RASA3: variants seen among roughly 807,000 people sequenced by gnomAD.
RASA3 encodes ras GTPase-activating protein 3.
RASA3 carries 73 observed loss-of-function variants against 110.0 expected under a neutral mutation model. The ratio of observed to expected loss-of-function variants is 0.66; its 90% CI spans 0.55 to 0.81. RASA3 has a LOEUF of 0.81. RASA3 is among the 30% of genes least tolerant of loss of function. The probability of loss-of-function intolerance (pLI) is 0.00; values close to 1 mark genes in which losing one functional copy is unlikely to be tolerated. For missense variants in RASA3, 976 were observed against 1,113.2 expected (o/e 0.88, Z 1.75); for synonymous variants, 500 against 451.4 (o/e 1.11, Z -1.37).
At chr13:114,079,838 C>G (rs2079752918) in intron 1 of RASA3, among the ~76,000 whole-genome samples, 1 of 152,152 alleles carries the variant, frequency 6.6e-6, no homozygotes, top group Non-Finnish European at 1.5e-5. Context: ...CACTGGCCTC[C>G]CCACCCGGCA....
intron 12 of RASA3, among the ~76,000 whole-genome samples, chr13:114,016,950 AAAG>A (rs1279876300): frequency 2.6e-5 from 4 of 152,142 alleles, no homozygotes; most frequent in African/African-American, 7.2e-5. Context: ...ACATGTGGAG[AAAG>A]AAGGTCTCCC....
intron 2 of RASA3, among the ~76,000 whole-genome samples, chr13:114,071,686 C>A (rs2079574449): frequency 6.6e-6 from 1 of 152,148 alleles, no homozygotes; most frequent in Non-Finnish European, 1.5e-5. Context: ...TTTCAAAGAA[C>A]CCGGAGCGTG....
intron 4 of RASA3, among the ~76,000 whole-genome samples, chr13:114,037,747 G>A (rs968071500): frequency 2.0e-5 from 3 of 152,214 alleles, no homozygotes; most frequent in African/African-American, 4.8e-5. Flanking sequence ...ACAGAAACAC[G>A]TGCCTGTGAA....
intron 7 of RASA3, among the ~76,000 whole-genome samples, chr13:114,026,886 T>G (rs1052204386): frequency 6.6e-6 from 1 of 152,190 alleles, no homozygotes; most frequent in African/African-American, 2.4e-5. Context: ...GCACCCTCCT[T>G]TTCATGGATT....
At chr13:114,069,490 G>GGGAGACTCGGGGGCTGAGAGACTCA (rs1566547859) in intron 2 of RASA3, among the ~76,000 whole-genome samples, 7 of 10,176 alleles carry the variant, frequency 6.9e-4, no homozygotes, top group Non-Finnish European at 1.1e-3. Context: ...CGGGAGACTC[G>GGGAGACTCGGGGGCTGAGAGACTCA]GGGGACCAGG....
intron 22 of RASA3, among the ~76,000 whole-genome samples, chr13:113,984,724 T>TGC (rs2053013081): frequency 1.4e-5 from 1 of 73,324 alleles, no homozygotes; most frequent in Non-Finnish European, 3.0e-5. Flanking sequence ...TGTCCATCCA[T>TGC]CCATCACTCA....
At chr13:114,040,952 C>T in intron 4 of RASA3, 48 bp downstream of exon 4, 2 of 1,580,496 alleles carry the variant, frequency 1.3e-6, no homozygotes, top group Non-Finnish European at 1.7e-6. Flanking sequence ...CTCGAAGCCC[C>T]ATGGTGTCCC....
chr13:114,129,391 C>T (rs1312651718), intron 1 of RASA3, among the ~76,000 whole-genome samples: 3 of 152,216 alleles, frequency 2.0e-5, no homozygotes, highest in Non-Finnish European at 4.4e-5. Flanking sequence ...CTCACTTCTA[C>T]GTGGCGCTCT....
intron 17 of RASA3, among the ~76,000 whole-genome samples, chr13:114,007,850 C>A (rs1219907924): frequency 6.6e-6 from 1 of 152,238 alleles, no homozygotes; most frequent in Non-Finnish European, 1.5e-5. Context: ...TGGGGATCAA[C>A]CTGCATCTCC....
intron 4 of RASA3, among the ~76,000 whole-genome samples, chr13:114,040,450 C>T (rs1290555327): frequency 1.2e-5 from 1 of 81,800 alleles, no homozygotes; most frequent in Non-Finnish European, 2.3e-5. Context: ...CGGGCGAACA[C>T]GCACAACCCA....
At chr13:114,102,842 A>C (rs2080077492) in intron 1 of RASA3, among the ~76,000 whole-genome samples, 1 of 152,172 alleles carries the variant, frequency 6.6e-6, no homozygotes, top group Non-Finnish European at 1.5e-5. Flanking sequence ...GCTGGGGACG[A>C]CGGGAAGACC....
chr13:114,125,749 C>T (rs567520519), intron 1 of RASA3, among the ~76,000 whole-genome samples: 42 of 152,282 alleles, frequency 2.8e-4, no homozygotes, highest in Non-Finnish European at 2.2e-4. Context: ...TCTGGTTGCA[C>T]GGCAAGCCCC....
chr13:114,014,976 G>A lies in RASA3; in HGVS notation c.1405+233C>T, dbSNP rs1285115060. 6.6e-6 allele frequency among the ~76,000 whole-genome samples: 1 copy of A among 151,966 alleles called. No homozygotes were observed. The highest frequency in any genetic ancestry group is 1.5e-5 in the Non-Finnish European group (1 of 67,962). ...ATCTCCAGGGCTGGGGTCCCCTGGA[G>A]ACTACTGTGGAGGTGAACTCCAGGG... On this transcript the variant is annotated intron_variant, in intron 14 of 23. Coordinates refer to ENST00000334062, the MANE Select transcript of RASA3 (RefSeq NM_007368.4). This position sits in a 1 kb window ranked among gnomAD's most constrained non-coding sequence, Gnocchi z 4.5.
At chr13:114,016,756 T>G (rs7998148) in intron 12 of RASA3, among the ~76,000 whole-genome samples, 106,698 of 152,182 alleles carry the variant, frequency 0.7, 38,146 homozygotes, top group African/African-American at 0.85. Context: ...GAATGCTATG[T>G]TCAATTTTCT....
At chr13:114,080,390 G>A (rs187991387) in intron 1 of RASA3, among the ~76,000 whole-genome samples, 1 of 152,300 alleles carries the variant, frequency 6.6e-6, no homozygotes, top group Non-Finnish European at 1.5e-5. Flanking sequence ...CCTGCCCAGG[G>A]AGGGCCCAGC....
chr13:113,979,436 T>C lies in RASA3; in HGVS notation c.2430-14A>G. The C allele has an allele frequency of 6.3e-7, 1 of 1,575,402 alleles. No individual in the cohort carries two copies. Among genetic ancestry groups the C allele is most frequent in the Admixed American group, 1.7e-5 (1 of 59,952 alleles). ...ATGGGGTGCTCCCTGAAAAGGGGGATGGGAGAGGGAATGAGGCACAGACCC... is the reference window on the plus strand; with the variant it reads ...ATGGGGTGCTCCCTGAAAAGGGGGACGGGAGAGGGAATGAGGCACAGACCC... On this transcript the variant is annotated splice_polypyrimidine_tract_variant and intron_variant, in intron 23 of 23. Coordinates refer to ENST00000334062, the MANE Select transcript of RASA3 (RefSeq NM_007368.4).
intron 2 of RASA3, among the ~76,000 whole-genome samples, chr13:114,052,825 A>G (rs1209594191): frequency 1.6e-4 from 17 of 107,682 alleles, no homozygotes; most frequent in African/African-American, 3.1e-4. Context: ...TGGGGGAGAA[A>G]TCCCCACTGC....
At chr13:114,015,964 C>T (rs1001931012) in intron 13 of RASA3, among the ~76,000 whole-genome samples, 13 of 152,148 alleles carry the variant, frequency 8.5e-5, no homozygotes, top group Admixed American at 3.3e-4. Flanking sequence ...AAGAGCTGGC[C>T]GGGACCCCCC....
At chr13:113,990,686 C>T (rs2053087646) in intron 22 of RASA3, among the ~76,000 whole-genome samples, 2 of 152,318 alleles carry the variant, frequency 1.3e-5, no homozygotes, top group Non-Finnish European at 2.9e-5. Flanking sequence ...TGGGTGGTGG[C>T]CCATGAGTGT....
Sources: gnomAD v4.1 joint callset for allele counts (sites outside exome capture counted in the v4.1 genomes callset) on GRCh38, gnomAD v4.1.1 for gene constraint, Gnocchi (gnomAD v3.1) non-coding constraint, MANE v1.5 for transcripts, NCBI Gene and HGNC (gene_info 2026-07-23, HGNC 2026-07-21) for gene names.